PAK3: variants seen among roughly 807,000 people sequenced by gnomAD.
PAK3 encodes p21 (RAC1) activated kinase 3.
PAK3 carries 4 observed loss-of-function variants against 41.0 expected under a neutral mutation model. The ratio of observed to expected loss-of-function variants is 0.10; its 90% CI spans 0.05 to 0.22. The LOEUF is 0.22. PAK3 is among the 10% of genes least tolerant of loss of function. PAK3 has a pLI of 1.00. For synonymous variants in PAK3, 146 were observed against 139.6 expected (o/e 1.05, Z -0.32); for missense variants, 205 against 409.9 (o/e 0.50, Z 4.32).
intron 1 of PAK3, among the ~76,000 whole-genome samples, chrX:110,985,281 C>T (rs2091521779): frequency 9.0e-6 from 1 of 111,038 alleles, no homozygotes; most frequent in Admixed American, 9.6e-5. Context: ...ACCCCACCCA[C>T]ACTGATTTTC....
At chrX:110,999,163 C>T (rs2091801131) in intron 1 of PAK3, among the ~76,000 whole-genome samples, 1 of 111,966 alleles carries the variant, frequency 8.9e-6, no homozygotes, top group African/African-American at 3.2e-5. Context: ...TGATGCAGGA[C>T]ATGGGTGAGA....
intron 6 of PAK3, among the ~76,000 whole-genome samples, chrX:111,145,632 A>G (rs1377732966): frequency 8.9e-6 from 1 of 111,776 alleles, no homozygotes. Context: ...TGAAAAATGC[A>G]TGTAAAAGTG....
chrX:111,072,732 A>G (rs1334505782), intron 1 of PAK3, among the ~76,000 whole-genome samples: 1 of 112,129 alleles, frequency 8.9e-6, no homozygotes, highest in Non-Finnish European at 1.9e-5. Context: ...TGGAGGAGCA[A>G]TCTGATAAGA....
chrX:111,016,147 TG>T (rs2092086923), intron 1 of PAK3, among the ~76,000 whole-genome samples: 1 of 112,618 alleles, frequency 8.9e-6, no homozygotes, highest in Non-Finnish European at 1.9e-5. Context: ...ACCAATTAAT[TG>T]AATCTCCATA....
intron 8 of PAK3, among the ~76,000 whole-genome samples, chrX:111,153,897 T>G (rs1221619915): frequency 8.9e-6 from 1 of 111,792 alleles, no homozygotes; most frequent in Non-Finnish European, 1.9e-5. Flanking sequence ...GCAACCCAAG[T>G]GTCCATCAAC....
At chrX:110,998,858 A>T (rs777751823) in intron 1 of PAK3, among the ~76,000 whole-genome samples, 2 of 112,366 alleles carry the variant, frequency 1.8e-5, no homozygotes, top group Non-Finnish European at 1.9e-5. Flanking sequence ...AAATACTAGC[A>T]GGATAGAGTG....
intron 7 of PAK3, among the ~76,000 whole-genome samples, chrX:111,148,517 T>A: frequency 1.8e-5 from 2 of 111,831 alleles, no homozygotes; most frequent in Middle Eastern, 9.2e-3. Context: ...TAAAGACATG[T>A]CCAAGACTGG....
rs777067890 is a variant in PAK3, at chrX:111,034,901, G to C, written c.-27-88176G>C. Among the ~76,000 whole-genome samples the C allele has an allele frequency of 7.3e-5, 8 of 109,235 alleles. No homozygotes were observed. The South Asian group carries it at 3.3e-3, about 45-fold the overall frequency. The allele number at this position is 109,235 out of a possible 115,157, so 94.9% of individuals were successfully genotyped here. On this transcript the variant is annotated intron_variant, in intron 1 of 14. Coordinates refer to the PAK3 transcript ENST00000425146. ...AGAAGGCTTGAGCTCAGGAGTTCAAGACCAGCCTAGGCAGCTAGAGATGGA... is the reference window on the plus strand; with the variant it reads ...AGAAGGCTTGAGCTCAGGAGTTCAACACCAGCCTAGGCAGCTAGAGATGGA...
At chrX:110,985,910 T>C (rs761508903) in intron 1 of PAK3, among the ~76,000 whole-genome samples, 2 of 111,407 alleles carry the variant, frequency 1.8e-5, no homozygotes, top group South Asian at 7.7e-4. Context: ...ACTGATTTCT[T>C]TTTCAAACCA....
Position 111,220,708 on chromosome X carries a change from A to G in PAK3, c.*261A>G. On this transcript the variant is annotated 3_prime_UTR_variant, in exon 18 of 18. Transcript: ENST00000372007. ...TCCACCGTGAAGCGAAAGAGCCAGT[A>G]GTGAATCCCCTCATTTTGTGCATTC... The G allele has an allele frequency of 2.7e-6, 1 of 370,624 alleles. No homozygotes were observed. Among genetic ancestry groups the G allele is most frequent in the Non-Finnish European group, 4.7e-6 (1 of 212,043 alleles). The allele number at this position is 370,624 out of a possible 1,213,427, so 30.5% of individuals were successfully genotyped here.
At chrX:110,961,127 T>TCA (rs1205158228) in intron 1 of PAK3, among the ~76,000 whole-genome samples, 3 of 111,739 alleles carry the variant, frequency 2.7e-5, no homozygotes, top group East Asian at 5.6e-4. Flanking sequence ...AACATACTGA[T>TCA]ACCTGATTTC....
chrX:111,209,505 T>C (rs181290867), intron 16 of PAK3, among the ~76,000 whole-genome samples: 2 of 112,241 alleles, frequency 1.8e-5, no homozygotes, highest in African/African-American at 6.5e-5. Flanking sequence ...TCAGTTGCAT[T>C]GTATGTTAAG....
At chrX:111,026,615 C>A (rs976564919) in intron 1 of PAK3, among the ~76,000 whole-genome samples, 1 of 110,872 alleles carries the variant, frequency 9.0e-6, no homozygotes, top group Non-Finnish European at 1.9e-5. Context: ...AAGTGAAAGA[C>A]CTCTACAAAG....
intron 1 of PAK3, among the ~76,000 whole-genome samples, chrX:111,000,694 C>T (rs983203357): frequency 1.8e-5 from 2 of 111,565 alleles, no homozygotes; most frequent in Non-Finnish European, 3.8e-5. Context: ...TTACAGGAAG[C>T]TGGGTGAAGG....
At chrX:110,978,626 G>A (rs2091384483) in intron 1 of PAK3, among the ~76,000 whole-genome samples, 1 of 110,707 alleles carries the variant, frequency 9.0e-6, no homozygotes, top group African/African-American at 3.3e-5. Flanking sequence ...ATTTATGAAG[G>A]ATATTGGTTT....
intron 1 of PAK3, among the ~76,000 whole-genome samples, chrX:111,088,657 G>C (rs942995921): frequency 2.7e-5 from 3 of 111,962 alleles, no homozygotes; most frequent in Non-Finnish European, 5.6e-5. Flanking sequence ...AAGACTGTCA[G>C]AGACAAGACT....
chrX:111,035,156 GAAGAAAGA>G (rs10596776), intron 1 of PAK3, among the ~76,000 whole-genome samples: 11 of 88,263 alleles, frequency 1.2e-4, no homozygotes, highest in African/African-American at 3.1e-4. Flanking sequence ...AGAAAGAAAG[GAAGAAAGA>G]AAGAAAGAAA....
chrX:111,024,041 T>C, intron 1 of PAK3, among the ~76,000 whole-genome samples: 1 of 112,277 alleles, frequency 8.9e-6, no homozygotes. Flanking sequence ...TACATTTAAG[T>C]CTTTAATCCA....
intron 5 of PAK3, among the ~76,000 whole-genome samples, chrX:111,134,865 C>T (rs1453926237): frequency 9.0e-6 from 1 of 111,305 alleles, no homozygotes; most frequent in Non-Finnish European, 1.9e-5. Context: ...ATGAATACAA[C>T]TACAAGTAGT....
Sources: gnomAD v4.1 joint callset for allele counts (sites outside exome capture counted in the v4.1 genomes callset) on GRCh38, gnomAD v4.1.1 for gene constraint, MANE v1.5 for transcripts, NCBI Gene and HGNC (gene_info 2026-07-23, HGNC 2026-07-21) for gene names.